Variants in PRPF6 observed in about 807,000 individuals in gnomAD.
The protein encoded by PRPF6 is pre-mRNA-processing factor 6.
A neutral mutation model predicts 118.3 loss-of-function variants in PRPF6; 42 were observed. The observed-to-expected ratio is 0.35, with a 90% confidence interval of 0.28 to 0.46. The LOEUF (loss-of-function observed/expected upper bound fraction) is 0.46, where lower values mean the gene tolerates loss of function less well. PRPF6 is among the 20% of genes least tolerant of loss of function. PRPF6 has a pLI of 1.00. For synonymous variants in PRPF6, 481 were observed against 485.1 expected, an observed-to-expected ratio of 0.99 and a Z score of 0.11; for missense variants, 662 against 1,255.7, an observed-to-expected ratio of 0.53 and a Z score of 7.15.
intron 3 of PRPF6, among the ~76,000 whole-genome samples, chr20:63,992,149 T>G (rs2059121578): frequency 6.6e-6 from 1 of 152,210 alleles, no homozygotes; most frequent in Non-Finnish European, 1.5e-5. Context: ...TCGCCCAGGC[T>G]AGATTGGCTC....
chr20:63,990,239 C>G (rs1376778170), intron 3 of PRPF6, among the ~76,000 whole-genome samples: 1 of 152,196 alleles, frequency 6.6e-6, no homozygotes, highest in African/African-American at 2.4e-5. Context: ...GGTCTGCCCT[C>G]AAGACTCAAG....
Position 64,026,401 on chromosome 20 carries a change from G to T in PRPF6, c.2028+343G>T, listed in dbSNP as rs2059291250. 6.6e-6 allele frequency among the ~76,000 whole-genome samples: 1 copy of T among 152,208 alleles called. No homozygotes were observed. The highest frequency in any genetic ancestry group is 6.5e-5 in the Admixed American group (1 of 15,290). On this transcript the variant is annotated intron_variant, in intron 15 of 20. Coordinates refer to ENST00000266079, the MANE Select transcript of PRPF6 (RefSeq NM_012469.4). The surrounding 1 kb of genome is among the most constrained non-coding windows in gnomAD (Gnocchi z 4.4). Reference sequence around the variant, plus strand: ...CGTGCCTGTAATCCCAGCTGCTCGGGAGGCTGAGGCAGGAGAATCGCTTGA... The same window carrying T: ...CGTGCCTGTAATCCCAGCTGCTCGGTAGGCTGAGGCAGGAGAATCGCTTGA...
intron 12 of PRPF6, among the ~76,000 whole-genome samples, chr20:64,019,442 G>A (rs1435849094): frequency 6.6e-6 from 1 of 152,158 alleles, no homozygotes; most frequent in Non-Finnish European, 1.5e-5. Context: ...AAGCACAGCT[G>A]TTTTTCAAAG....
At chr20:63,988,333 A>C (rs1601509501) in intron 3 of PRPF6, among the ~76,000 whole-genome samples, 1 of 150,180 alleles carries the variant, frequency 6.7e-6, no homozygotes, top group South Asian at 2.1e-4. Context: ...AAAAAAAAAA[A>C]CCAAAAAACA....
chr20:64,032,056 C>G lies in PRPF6; in HGVS notation c.2673+12C>G, dbSNP rs374801637. ...AGCATGGCACTGAGGTGAGGCCCCT[C>G]GACAGACCGCCGCTCAGTGCCTTCT... On this transcript the variant is annotated intron_variant, in intron 20 of 20. Coordinates refer to ENST00000266079, the MANE Select transcript of PRPF6 (RefSeq NM_012469.4). 9.9e-6 allele frequency: 16 copies of G among 1,613,674 alleles called. No individual in the cohort carries two copies. The African/African-American group carries it at 1.9e-4, about 19-fold the overall frequency.
At chr20:63,990,892 G>T (rs143437935) in intron 3 of PRPF6, among the ~76,000 whole-genome samples, 231 of 151,912 alleles carry the variant, frequency 1.5e-3, no homozygotes, top group African/African-American at 5.2e-3. Flanking sequence ...CTGCCCTTGT[G>T]ATCTGCCTGC....
intron 9 of PRPF6, among the ~76,000 whole-genome samples, chr20:64,007,046 G>C (rs186600757): frequency 9.2e-5 from 14 of 152,354 alleles, no homozygotes; most frequent in Admixed American, 9.1e-4. Context: ...GAGGTTGTCA[G>C]TGTGGGCTGA....
intron 14 of PRPF6, among the ~76,000 whole-genome samples, chr20:64,025,072 C>T (rs1405010597): frequency 2.0e-5 from 3 of 152,014 alleles, no homozygotes; most frequent in East Asian, 3.9e-4. Flanking sequence ...AGTACCTTGT[C>T]TTTATTTTCA....
rs2059216461 is a variant in PRPF6, at chr20:64,011,359, T to A, written c.1380T>A (p.Ile460=). 1.2e-6 allele frequency: 2 copies of A among 1,614,042 alleles called. No individual in the cohort carries two copies. The highest frequency in any genetic ancestry group is 1.3e-5 in the African/African-American group (1 of 74,914). The change falls in exon 11 of 21, where the codon ATT becomes ATA. Residue 460 remains isoleucine (I), a synonymous_variant. Transcript: ENST00000266079. This position sits in a 1 kb window ranked among gnomAD's most constrained non-coding sequence, Gnocchi z 6.7. ...TCTTGAACAAGGCGCGGGAGAACAT[T>A]CCTACAGACCGACATATCTGGATCA... The part of the protein sequence containing the change: ...RKVLNKAREN[I]PTDRHIWITA...
chr20:63,987,196 G>C (rs1015575963), intron 3 of PRPF6, among the ~76,000 whole-genome samples: 6 of 149,722 alleles, frequency 4.0e-5, no homozygotes, highest in Non-Finnish European at 8.9e-5. Context: ...AAAAGGGGGG[G>C]GGAGCATAAC....
intron 11 of PRPF6, among the ~76,000 whole-genome samples, chr20:64,014,076 T>C (rs1220646420): frequency 1.3e-5 from 2 of 152,068 alleles, no homozygotes; most frequent in Admixed American, 6.6e-5. Flanking sequence ...TAGCTGGGAC[T>C]ACAGGCATGC....
chr20:63,987,957 T>G (rs1395984847), intron 3 of PRPF6, among the ~76,000 whole-genome samples: 3 of 151,412 alleles, frequency 2.0e-5, no homozygotes, highest in Non-Finnish European at 4.4e-5. Context: ...CCGAGGCAGG[T>G]GGATGACTGG....
chr20:63,989,213 C>T (rs573105119), intron 3 of PRPF6, among the ~76,000 whole-genome samples: 2 of 152,278 alleles, frequency 1.3e-5, no homozygotes, highest in South Asian at 4.1e-4. Flanking sequence ...CTAGACCCCT[C>T]TCTGTCACCA....
chr20:63,990,366 A>G (rs751880109), intron 3 of PRPF6, among the ~76,000 whole-genome samples: 1 of 152,150 alleles, frequency 6.6e-6, no homozygotes, highest in Non-Finnish European at 1.5e-5. Flanking sequence ...GATTACAGAC[A>G]TAAGTCAATG....
rs200108211 is a variant in PRPF6, at chr20:64,010,174, G to A, written c.1187-26G>A. Reference sequence around the variant, plus strand: ...CTGTTTTTATCTCCTTTTCTGTGACGTGGTTTCTCGTTTGACCTTTCCTAG... The same window carrying A: ...CTGTTTTTATCTCCTTTTCTGTGACATGGTTTCTCGTTTGACCTTTCCTAG... On this transcript the variant is annotated intron_variant, in intron 9 of 20. Coordinates refer to ENST00000266079, the MANE Select transcript of PRPF6 (RefSeq NM_012469.4). 1.1e-4 allele frequency: 172 copies of A among 1,584,108 alleles called. No individual in the cohort carries two copies. The South Asian group carries it at 1.3e-3, about 12-fold the overall frequency.
chr20:64,004,665 T>C (rs984585550), intron 9 of PRPF6, among the ~76,000 whole-genome samples: 1 of 152,198 alleles, frequency 6.6e-6, no homozygotes, highest in Admixed American at 6.5e-5. Flanking sequence ...GTGCTTGGCC[T>C]CTGAGCTTCC....
chr20:64,001,180 A>G lies in PRPF6; in HGVS notation c.1127A>G (p.Tyr376Cys). 1 of 1,614,266 alleles carries G rather than the reference A, an allele frequency of 6.2e-7. No individual in the cohort carries two copies. The highest frequency in any genetic ancestry group is 8.5e-7 in the Non-Finnish European group (1 of 1,180,048). The change falls in exon 9 of 21, where the codon TAC becomes TGC. Residue 376 changes from tyrosine (Y) to cysteine (C), a missense_variant. Tyr to Cys is a radical substitution (Grantham distance 194). Coordinates refer to ENST00000266079, the MANE Select transcript of PRPF6 (RefSeq NM_012469.4). ...CATCTCCCACAGTCTGTCAGGATTT[A>G]CATCAGAGCCGCAGAGCTGGAAACG... ...VRHLPQSVRIYIRAAELETDI... is the reference protein window; with the variant it reads ...VRHLPQSVRICIRAAELETDI...
chr20:63,988,777 G>A (rs1209820774), intron 3 of PRPF6, among the ~76,000 whole-genome samples: 1 of 151,786 alleles, frequency 6.6e-6, no homozygotes, highest in Non-Finnish European at 1.5e-5. Flanking sequence ...GCTGAGGCAG[G>A]AGAATCACTT....
rs553587120 is a variant in PRPF6, at chr20:63,993,001, A to G, written c.360-406A>G. 9.2e-5 allele frequency among the ~76,000 whole-genome samples: 14 copies of G among 152,100 alleles called. No homozygotes were observed. In the South Asian group the frequency reaches 2.9e-3, roughly 32 times the overall value. ...GGGAGGCCAAGGTGGGTAGATCACA[A>G]GGTCAGGAGTTCGAGAACAGCCTGG... On this transcript the variant is annotated intron_variant, in intron 3 of 20. Coordinates refer to ENST00000266079, the MANE Select transcript of PRPF6 (RefSeq NM_012469.4).
Sources: gnomAD v4.1 joint callset for allele counts (sites outside exome capture counted in the v4.1 genomes callset) on GRCh38, gnomAD v4.1.1 for gene constraint, Gnocchi (gnomAD v3.1) non-coding constraint, MANE v1.5 for transcripts, NCBI Gene and HGNC (gene_info 2026-07-23, HGNC 2026-07-21) for gene names.